The following SEPTIN11 variants were observed in gnomAD, a reference collection of about 807,000 sequenced individuals.
SEPTIN11 encodes the protein septin-11.
Under a neutral mutation model 51.4 loss-of-function variants are expected in SEPTIN11, and 25 were observed. That is an observed-to-expected ratio of 0.49 (90% CI 0.35 to 0.68). The LOEUF (loss-of-function observed/expected upper bound fraction) is 0.68. SEPTIN11 is among the 30% of genes least tolerant of loss of function. SEPTIN11 has a pLI of 0.00. For synonymous variants in SEPTIN11, 174 were observed against 184.1 expected, an observed-to-expected ratio of 0.95 and a Z score of 0.44; for missense variants, 381 against 520.8, an observed-to-expected ratio of 0.73 and a Z score of 2.61.
At position 76,988,125 on chromosome 4, in the gene SEPTIN11, G is replaced by T. The variant is rs116980463; in HGVS notation, c.28-8300G>T. 2.5e-3 allele frequency among the ~76,000 whole-genome samples: 379 copies of T among 152,278 alleles called. 12 individuals are homozygous for T. The East Asian group carries it at 0.066, about 27-fold the overall frequency. On this transcript the variant is annotated intron_variant, in intron 1 of 9. Transcript: ENST00000264893. ...ACCTGCACATCAGCTGTACACAGGG[G>T]CCGCCTATTAAATTAATATTCAACA...
chr4:76,962,993 A>G (rs754361081), intron 1 of SEPTIN11, among the ~76,000 whole-genome samples: 1 of 152,202 alleles, frequency 6.6e-6, no homozygotes, highest in Non-Finnish European at 1.5e-5. Flanking sequence ...TTTTGGCCCA[A>G]GTGGTGCATT....
chr4:76,974,829 A>C (rs1224397696), intron 1 of SEPTIN11: 3 of 456,598 alleles, frequency 6.6e-6, no homozygotes, highest in Non-Finnish European at 1.3e-5. Context: ...TTTGTAAGAA[A>C]TGTGAGCGCT....
intron 2 of SEPTIN11, among the ~76,000 whole-genome samples, chr4:77,005,118 C>T (rs901036974): frequency 1.3e-5 from 2 of 152,130 alleles, no homozygotes; most frequent in African/African-American, 4.8e-5. Context: ...TTCTTTTCTA[C>T]GACATGGTAT....
At chr4:77,022,822 CTA>C (rs1725812053) in intron 7 of SEPTIN11, among the ~76,000 whole-genome samples, 1 of 151,994 alleles carries the variant, frequency 6.6e-6, no homozygotes, top group African/African-American at 2.4e-5. Flanking sequence ...TTTGAAGAGT[CTA>C]TGATGCTATC....
chr4:76,990,468 G>A (rs902076124), intron 1 of SEPTIN11, among the ~76,000 whole-genome samples: 7 of 152,096 alleles, frequency 4.6e-5, no homozygotes, highest in East Asian at 1.9e-4. Context: ...TGGCCTGTCC[G>A]GAACTGGGCT....
At chr4:77,039,457 T>C, downstream of SEPTIN11, 1 of 1,001,350 alleles carries the variant, frequency 1.0e-6, no homozygotes, top group Non-Finnish European at 1.2e-6. Context: ...AGACAGCGTG[T>C]ACCCTAACCT....
chr4:76,973,624 C>T (rs541493009), intron 1 of SEPTIN11, among the ~76,000 whole-genome samples: 1 of 152,320 alleles, frequency 6.6e-6, no homozygotes, highest in East Asian at 1.9e-4. Flanking sequence ...ATCGAGCAAA[C>T]AGCACAGAAA....
intron 1 of SEPTIN11, among the ~76,000 whole-genome samples, chr4:76,993,884 G>C (rs1344898672): frequency 6.6e-6 from 1 of 152,056 alleles, no homozygotes; most frequent in East Asian, 1.9e-4. Context: ...ATACTTAGTG[G>C]GTGTGTGGGT....
intron 9 of SEPTIN11, 75 bp downstream of exon 9, chr4:77,031,045 T>A: frequency 7.4e-7 from 1 of 1,360,442 alleles, no homozygotes; most frequent in Non-Finnish European, 1.0e-6. Context: ...CTTTTCCCAT[T>A]TACAGACTGG....
At chr4:77,021,050 G>A (rs550966460) in intron 7 of SEPTIN11, 8 of 165,654 alleles carry the variant, frequency 4.8e-5, no homozygotes, top group African/African-American at 1.9e-4. Context: ...ACAAAGGTGC[G>A]GCTGCTGATT....
chr4:76,971,981 T>C (rs1199015997), intron 1 of SEPTIN11, among the ~76,000 whole-genome samples: 1 of 152,208 alleles, frequency 6.6e-6, no homozygotes, highest in Non-Finnish European at 1.5e-5. Flanking sequence ...AGATGGCCGG[T>C]GGATCCACAA....
At chr4:77,021,765 A>T (rs1725738111) in intron 7 of SEPTIN11, 1 of 152,416 alleles carries the variant, frequency 6.6e-6, no homozygotes, top group African/African-American at 2.4e-5. Flanking sequence ...TGCACAGCAG[A>T]TTCTGTCCCC....
At chr4:76,959,739 T>C (rs2703111) in intron 1 of SEPTIN11, among the ~76,000 whole-genome samples, 15,366 of 152,178 alleles carry the variant, frequency 0.1, 1,342 homozygotes, top group East Asian at 0.23. Flanking sequence ...TCTGCATAAA[T>C]TGGAAAAATG....
At chr4:77,011,976 T>C in intron 4 of SEPTIN11, 55 bp downstream of exon 4, 6 of 1,472,146 alleles carry the variant, frequency 4.1e-6, no homozygotes, top group Non-Finnish European at 4.7e-6. Flanking sequence ...TTCTTTATCC[T>C]AATGCCCTAA....
chr4:76,949,800 C>A lies in SEPTIN11; in HGVS notation c.-104C>A. On this transcript the variant is annotated 5_prime_UTR_variant, in exon 1 of 10. Coordinates refer to ENST00000264893, the MANE Select transcript of SEPTIN11 (RefSeq NM_018243.4). ...CGGGACGCCGGCGAGCAGAGCGCAG[C>A]CGCGAGGGAGGCGCGAGGGAGGCGA... 1 of 1,299,060 alleles carries A rather than the reference C, an allele frequency of 7.7e-7. No homozygotes were observed. Among genetic ancestry groups the A allele is most frequent in the Non-Finnish European group, 1.0e-6 (1 of 952,428 alleles). 80.5% of individuals were successfully genotyped at this position (1,299,060 alleles called of 1,614,324 possible).
intron 1 of SEPTIN11, among the ~76,000 whole-genome samples, chr4:76,951,526 T>C (rs1721344152): frequency 6.6e-6 from 1 of 152,182 alleles, no homozygotes; most frequent in African/African-American, 2.4e-5. Context: ...ATTTATCTGG[T>C]TAAATTACTC....
intron 1 of SEPTIN11, among the ~76,000 whole-genome samples, chr4:76,966,575 A>G (rs928832287): frequency 4.6e-5 from 7 of 151,820 alleles, no homozygotes; most frequent in Non-Finnish European, 7.4e-5. Context: ...AAATTTATGT[A>G]ATCAGCCAGG....
chr4:77,020,611 A>G lies in SEPTIN11; in HGVS notation c.894A>G (p.Arg298=). Residue 298 remains arginine (R), a synonymous_variant, in exon 7 of 10, where the codon CGA becomes CGG. Coordinates refer to ENST00000264893, the MANE Select transcript of SEPTIN11 (RefSeq NM_018243.4). Reference sequence around the variant, plus strand: ...ACACCCGCCACTATGAATTGTACCGACGCTGTAAGCTTGAAGAGATGGGGT... The same window carrying G: ...ACACCCGCCACTATGAATTGTACCGGCGCTGTAAGCTTGAAGAGATGGGGT... ...QTHTRHYELY[R]RCKLEEMGFK... 1.2e-6 allele frequency: 2 copies of G among 1,614,090 alleles called. No individual in the cohort carries two copies. Among genetic ancestry groups the G allele is most frequent in the Non-Finnish European group, 1.7e-6 (2 of 1,180,004 alleles).
intron 1 of SEPTIN11, among the ~76,000 whole-genome samples, chr4:76,993,863 T>G (rs543836076): frequency 1.1e-4 from 16 of 152,330 alleles, no homozygotes; most frequent in Middle Eastern, 6.8e-3. Context: ...TGGTTTTCAA[T>G]GGGTATAAAA....
Sources: allele counts gnomAD v4.1 joint callset (sites outside exome capture counted in the v4.1 genomes callset), GRCh38; gene constraint gnomAD v4.1.1; transcripts MANE v1.5; gene names NCBI Gene and HGNC (gene_info 2026-07-23, HGNC 2026-07-21).